LRRC7: variants seen among roughly 807,000 people sequenced by gnomAD.
The protein encoded by LRRC7 is leucine-rich repeat-containing protein 7.
In LRRC7, 23 loss-of-function variants were observed where a neutral mutation model predicts 175.7. The ratio of observed to expected loss-of-function variants is 0.13; its 90% confidence interval spans 0.09 to 0.19. The LOEUF (loss-of-function observed/expected upper bound fraction) is 0.19. LRRC7 is among the 10% of genes least tolerant of loss of function. The pLI is 1.00. For missense variants in LRRC7, 1,354 were observed against 1,904.7 expected, an observed-to-expected ratio of 0.71 and a Z score of 5.38; for synonymous variants, 685 against 680.9, an observed-to-expected ratio of 1.01 and a Z score of -0.09.
intron 26 of LRRC7, among the ~76,000 whole-genome samples, chr1:70,119,733 A>T (rs188216008): frequency 1.8e-4 from 27 of 152,108 alleles, no homozygotes; most frequent in African/African-American, 5.3e-4. Context: ...ATCCTAGAAA[A>T]TTTTTTATTT....
Position 69,760,321 on chromosome 1 carries a change from G to C in LRRC7, c.231G>C (p.Lys77Asn). Reference sequence around the variant, plus strand: ...ACTGCAGTCTTCAGCAGGTGCCAAAGGAGGTCTTTAACTTCGAACGAACAT... The same window carrying C: ...ACTGCAGTCTTCAGCAGGTGCCAAACGAGGTCTTTAACTTCGAACGAACAT... ...YSHCSLQQVP[K>N]EVFNFERTLE... Residue 77 changes from lysine to asparagine, a missense_variant, in exon 3 of 27, where the codon AAG (lysine) becomes AAC (asparagine). Physicochemically the swap from Lys to Asn is moderately conservative, Grantham distance 94. Transcript: ENST00000651989. The C allele has an allele frequency of 6.2e-7, 1 of 1,612,914 alleles. No individual in the cohort carries two copies. Among genetic ancestry groups the C allele is most frequent in the Non-Finnish European group, 8.5e-7 (1 of 1,179,332 alleles).
At chr1:69,781,940 G>GAGAAA (rs1342311756) in intron 3 of LRRC7, among the ~76,000 whole-genome samples, 1 of 106,550 alleles carries the variant, frequency 9.4e-6, no homozygotes, top group Non-Finnish European at 2.0e-5. Context: ...AAGAAAGAAA[G>GAGAAA]AGAAAAGAAA....
At chr1:69,997,954 T>C (rs1655162290) in intron 11 of LRRC7, among the ~76,000 whole-genome samples, 1 of 152,118 alleles carries the variant, frequency 6.6e-6, no homozygotes, top group South Asian at 2.1e-4. Context: ...TTCTATTGAT[T>C]GGAATAGTTT....
intron 1 of LRRC7, among the ~76,000 whole-genome samples, chr1:69,669,058 T>A (rs1374002897): frequency 1.3e-5 from 2 of 152,240 alleles, no homozygotes; most frequent in African/African-American, 4.8e-5. Flanking sequence ...TTATGGTTTT[T>A]TTCATTGGTC....
chr1:69,596,077 T>G (rs1450909757), intron 1 of LRRC7, among the ~76,000 whole-genome samples: 1 of 152,066 alleles, frequency 6.6e-6, no homozygotes, highest in Non-Finnish European at 1.5e-5. Context: ...CCTGTGAGTC[T>G]GCATCTGCAG....
intron 1 of LRRC7, among the ~76,000 whole-genome samples, chr1:69,647,201 A>G (rs969053046): frequency 1.3e-5 from 2 of 152,180 alleles, no homozygotes; most frequent in African/African-American, 2.4e-5. Context: ...GCCAAAAGTC[A>G]TCCACACACT....
At chr1:69,670,298 G>A (rs954190552) in intron 1 of LRRC7, among the ~76,000 whole-genome samples, 41 of 152,328 alleles carry the variant, frequency 2.7e-4, no homozygotes, top group Middle Eastern at 3.4e-3. Flanking sequence ...AGAACCCGAA[G>A]TTCATTAATG....
intron 12 of LRRC7, 107 bp downstream of exon 12, chr1:70,012,033 T>C (rs1656558933): frequency 1.5e-6 from 1 of 686,040 alleles, no homozygotes; most frequent in African/African-American, 1.8e-5. Context: ...GAGCTGTGAA[T>C]ATATATAGGA....
At position 70,129,077 on chromosome 1, in the gene LRRC7, C is replaced by T. The variant is rs1666560886; in HGVS notation, c.*7190C>T. On this transcript the variant is annotated 3_prime_UTR_variant, in exon 27 of 27. Transcript: ENST00000651989. ...CCTGACCAACATGCTGAAACCTCAT[C>T]TCTACTAAAAATATGAAAAATTAGC... Among the ~76,000 whole-genome samples the T allele has an allele frequency of 6.6e-6, 1 of 151,986 alleles. No homozygotes were observed. The highest frequency in any genetic ancestry group is 1.5e-5 in the Non-Finnish European group (1 of 67,992).
At chr1:69,754,457 T>C (rs1557685372) in intron 2 of LRRC7, among the ~76,000 whole-genome samples, 1 of 152,092 alleles carries the variant, frequency 6.6e-6, no homozygotes, top group Non-Finnish European at 1.5e-5. Flanking sequence ...CCAAGGTTTC[T>C]GTCTTGAGAA....
intron 7 of LRRC7, among the ~76,000 whole-genome samples, chr1:69,904,570 TCGAG>T (rs141083996): frequency 0.39 from 59,013 of 151,758 alleles, 12,682 homozygotes; most frequent in East Asian, 0.55. Flanking sequence ...TTTTAGTATT[TCGAG>T]TAACATAAAA....
At chr1:69,790,606 GTAAC>G (rs1297991301) in intron 3 of LRRC7, among the ~76,000 whole-genome samples, 1 of 151,864 alleles carries the variant, frequency 6.6e-6, no homozygotes, top group Non-Finnish European at 1.5e-5. Flanking sequence ...CTATGAATCT[GTAAC>G]TGACCACACT....
At chr1:70,017,225 A>G (rs1397734328) in intron 14 of LRRC7, among the ~76,000 whole-genome samples, 1 of 151,722 alleles carries the variant, frequency 6.6e-6, no homozygotes. Context: ...CAGTGAGTCT[A>G]GATCACTCCA....
chr1:70,096,043 T>C (rs1445858933), intron 25 of LRRC7, among the ~76,000 whole-genome samples: 3 of 152,120 alleles, frequency 2.0e-5, no homozygotes, highest in Non-Finnish European at 2.9e-5. Flanking sequence ...AGTGATGTGA[T>C]CTCGGCTCAC....
chr1:70,114,249 GA>G (rs1665705799), intron 26 of LRRC7, among the ~76,000 whole-genome samples: 1 of 152,154 alleles, frequency 6.6e-6, no homozygotes, highest in Non-Finnish European at 1.5e-5. Flanking sequence ...GAGGGTGGGG[GA>G]CTATGGAGGA....
At chr1:69,587,111 A>T (rs747806980) in intron 1 of LRRC7, among the ~76,000 whole-genome samples, 1 of 152,162 alleles carries the variant, frequency 6.6e-6, no homozygotes, top group Non-Finnish European at 1.5e-5. Context: ...GTGGTATAAT[A>T]TAACAGAGTG....
chr1:69,986,395 A>G lies in LRRC7; in HGVS notation c.931+9A>G. On this transcript the variant is annotated intron_variant, in intron 10 of 26. Coordinates refer to ENST00000651989, the MANE Select transcript of LRRC7 (RefSeq NM_001370785.2). ...ATTGCCTGATTCTATAGGTGAGAAT[A>G]TAATATTTTGTCACAAATATTTATG... is the stretch of plus-strand genomic sequence containing the variant. The G allele has an allele frequency of 6.2e-7, 1 of 1,600,242 alleles. No individual in the cohort carries two copies. Among genetic ancestry groups the G allele is most frequent in the Non-Finnish European group, 8.5e-7 (1 of 1,174,882 alleles).
At position 69,704,107 on chromosome 1, in the gene LRRC7, G is replaced by T. The variant is rs567989538; in HGVS notation, c.100+25629G>T. The stretch of plus-strand genomic sequence containing the variant: ...TTCCAGGAACCACAAATATACACTC[G>T]GTGCTAAGTCACAATAGTTATATAA... On this transcript the variant is annotated intron_variant, in intron 2 of 26. Transcript: ENST00000651989. 3.3e-5 allele frequency among the ~76,000 whole-genome samples: 5 copies of T among 151,750 alleles called. No homozygotes were observed. The South Asian group carries it at 1.0e-3, about 32-fold the overall frequency.
intron 2 of LRRC7, among the ~76,000 whole-genome samples, chr1:69,720,315 A>G (rs1241228337): frequency 2.0e-5 from 3 of 151,584 alleles, no homozygotes; most frequent in East Asian, 1.9e-4. Context: ...GAGATTGCAC[A>G]TTCATCTTCA....
Sources: allele counts gnomAD v4.1 joint callset (sites outside exome capture counted in the v4.1 genomes callset), GRCh38; gene constraint gnomAD v4.1.1; transcripts MANE v1.5; gene names NCBI Gene and HGNC (gene_info 2026-07-23, HGNC 2026-07-21).